CLEC20A: variants seen among roughly 807,000 people sequenced by gnomAD.
The protein encoded by CLEC20A is putative C-type lectin domain family 20 member A.
At chr1:178,495,226 C>G (rs918725857) in intron 1 of CLEC20A, among the ~76,000 whole-genome samples, 1 of 152,244 alleles carries the variant, frequency 6.6e-6, no homozygotes, top group Non-Finnish European at 1.5e-5. Context: ...AGGAATTCTT[C>G]CAGCTGCCTA....
chr1:178,496,322 G>T (rs1013420024), intron 1 of CLEC20A: 1 of 152,498 alleles, frequency 6.6e-6, no homozygotes, highest in Non-Finnish European at 1.5e-5. Flanking sequence ...CACACGCCCC[G>T]ACTCTGCAGC....
chr1:178,495,244 A>C (rs1167473504), intron 1 of CLEC20A, among the ~76,000 whole-genome samples: 1 of 152,174 alleles, frequency 6.6e-6, no homozygotes, highest in East Asian at 1.9e-4. Flanking sequence ...CTAAGATAGC[A>C]CTCTGTTTTA....
At chr1:178,496,545 C>T (rs1302380451) in intron 1 of CLEC20A, 3 of 249,966 alleles carry the variant, frequency 1.2e-5, no homozygotes, top group Non-Finnish European at 2.3e-5. Flanking sequence ...CCACAACGCC[C>T]GTCCCTGTCC....
chr1:178,479,591 A>G, exon 8 of CLEC20A: 1 of 398,506 alleles, frequency 2.5e-6, no homozygotes, highest in Non-Finnish European at 4.4e-6. Context: ...TCGTGACCTA[A>G]TGTAAGCTTT....
upstream of CLEC20A, chr1:178,497,107 T>C (rs1649415711): frequency 5.0e-6 from 2 of 397,324 alleles, no homozygotes; most frequent in Non-Finnish European, 8.9e-6. Flanking sequence ...ACTAAACAAA[T>C]ACTTACCCAG....
At chr1:178,484,099 AT>A (rs1444469727) in intron 5 of CLEC20A, 2 of 152,332 alleles carry the variant, frequency 1.3e-5, no homozygotes, top group East Asian at 3.9e-4. Context: ...TTCAGTGGAC[AT>A]TACGTTGTTT....
intron 7 of CLEC20A, chr1:178,480,674 C>G (rs1466039508): frequency 1.3e-5 from 2 of 152,126 alleles, no homozygotes; most frequent in South Asian, 2.1e-4. Flanking sequence ...CCCAGCTACT[C>G]GGGAGGCTGA....
At chr1:178,494,151 T>C (rs1381914613) in intron 2 of CLEC20A, among the ~76,000 whole-genome samples, 1 of 152,230 alleles carries the variant, frequency 6.6e-6, no homozygotes, top group Non-Finnish European at 1.5e-5. Flanking sequence ...CCCAGCACTT[T>C]GGGAGACTTG....
In CLEC20A at chr1:178,483,184, G is replaced by A. The variant is rs1006429998; in HGVS notation, c.1027C>T (p.Gln343Ter). ...AGACAGAAGCAGTTACCTGATTTTT[G>A]TGCTGATGTTTTTTCTTTAGATTCT... Residue 343 changes from glutamine to a stop codon, truncating the protein, a stop_gained, in exon 6 of 8, where the codon CAA becomes TAA. Transcript: ENST00000623247. LOFTEE classifies it high-confidence loss of function. 2.5e-6 allele frequency: 1 copy of A among 398,628 alleles called. No individual in the cohort carries two copies. Among genetic ancestry groups the A allele is most frequent in the Non-Finnish European group, 4.4e-6 (1 of 226,074 alleles). The allele number at this position is 398,628 out of a possible 1,614,324, so 24.7% of individuals were successfully genotyped here.
chr1:178,479,838 A>G (rs914431876), intron 7 of CLEC20A: 12 of 324,296 alleles, frequency 3.7e-5, no homozygotes, highest in Non-Finnish European at 6.7e-5. Context: ...AAAGAACACT[A>G]AAACAGATGA....
chr1:178,486,471 G>C (rs1048605582), intron 5 of CLEC20A: 2 of 398,716 alleles, frequency 5.0e-6, no homozygotes, highest in Non-Finnish European at 8.8e-6. Flanking sequence ...CTGCCTCTGG[G>C]CGGGTGTCTT....
At chr1:178,490,579 CA>C (rs1285883011) in intron 3 of CLEC20A, 142 bp from the exon 4 acceptor site, 2 of 396,852 alleles carry the variant, frequency 5.0e-6, no homozygotes, top group Non-Finnish European at 8.9e-6. Flanking sequence ...ATCAAAACAA[CA>C]GTTTTATAGG....
intron 3 of CLEC20A, 68 bp from the exon 4 acceptor site, chr1:178,490,505 C>A (rs1370683278): frequency 7.5e-6 from 3 of 398,018 alleles, no homozygotes; most frequent in Non-Finnish European, 1.3e-5. Flanking sequence ...GCCTTCATCA[C>A]CCTTGGGGAT....
At position 178,489,015 on chromosome 1, in the gene CLEC20A, A is replaced by G. The variant is rs114984733; in HGVS notation, c.830-416T>C. On this transcript the variant is annotated intron_variant, in intron 4 of 7. Coordinates refer to ENST00000623247, the Ensembl canonical transcript of CLEC20A. The stretch of plus-strand genomic sequence containing the variant: ...ATGTCCTAAAATCAGATTAGTGATG[A>G]TAGTTGGACAACCTTGTGAATATTC... 7.6e-3 allele frequency among the ~76,000 whole-genome samples: 1,159 copies of G among 152,224 alleles called. 19 individuals carry two copies. Among genetic ancestry groups the G allele is most frequent in the African/African-American group, 0.026 (1,094 of 41,522 alleles).
upstream of CLEC20A, among the ~76,000 whole-genome samples, chr1:178,497,732 T>C (rs1349190065): frequency 6.6e-6 from 1 of 152,166 alleles, no homozygotes; most frequent in East Asian, 1.9e-4. Flanking sequence ...TTAATCTGCC[T>C]TTTGCAAGTT....
intron 7 of CLEC20A, 191 bp from the exon 8 acceptor site, chr1:178,479,806 G>T: frequency 2.9e-6 from 1 of 339,362 alleles, no homozygotes; most frequent in Non-Finnish European, 5.2e-6. Context: ...AATTTTGTTA[G>T]CAAAAAAAAA....
chr1:178,488,720 C>T (rs949551054), intron 4 of CLEC20A, 121 bp from the exon 5 acceptor site: 14 of 396,786 alleles, frequency 3.5e-5, no homozygotes, highest in South Asian at 2.7e-4. Context: ...CTCAGGAGGG[C>T]GCAGTTATTG....
intron 5 of CLEC20A, chr1:178,483,626 T>C (rs1358761992): frequency 6.0e-6 from 1 of 167,324 alleles, no homozygotes; most frequent in Non-Finnish European, 1.3e-5. Flanking sequence ...TTATTTTGTC[T>C]GCCAGCTACA....
chr1:178,495,174 T>C (rs145959341), intron 1 of CLEC20A, among the ~76,000 whole-genome samples: 224 of 152,366 alleles, frequency 1.5e-3, no homozygotes, highest in African/African-American at 5.0e-3. Flanking sequence ...TTGATAACAA[T>C]AGACAATGCT....
Sources: allele counts gnomAD v4.1 joint callset (sites outside exome capture counted in the v4.1 genomes callset), GRCh38; gene constraint gnomAD v4.1.1; transcripts MANE v1.5; gene names NCBI Gene and HGNC (gene_info 2026-07-23, HGNC 2026-07-21).